The following PIK3AP1 variants were observed in gnomAD, a reference collection of about 807,000 sequenced individuals.
The protein encoded by PIK3AP1 is phosphoinositide-3-kinase adaptor protein 1, also known as phosphoinositide 3-kinase adapter protein 1.
A neutral mutation model predicts 88.1 loss-of-function variants in PIK3AP1; 21 were observed. The ratio of observed to expected loss-of-function variants is 0.24; its 90% CI spans 0.17 to 0.34. The LOEUF (loss-of-function observed/expected upper bound fraction) is 0.34, where lower values mean the gene tolerates loss of function less well. Among genes scored for constraint, PIK3AP1 ranks in the 10% least tolerant of loss-of-function variants. The pLI is 1.00. For synonymous variants in PIK3AP1, 398 were observed against 400.0 expected (o/e 1.00, Z 0.06); for missense variants, 828 against 1,035.7 (o/e 0.80, Z 2.75).
At chr10:96,681,527 TGGAGAGCA>T (rs1408814842) in intron 2 of PIK3AP1, among the ~76,000 whole-genome samples, 4 of 152,160 alleles carry the variant, frequency 2.6e-5, no homozygotes, top group Non-Finnish European at 5.9e-5. Context: ...TCAGTCTCTT[TGGAGAGCA>T]GATTTCAGCT....
intron 2 of PIK3AP1, among the ~76,000 whole-genome samples, chr10:96,694,150 C>A (rs1267167106): frequency 6.6e-6 from 1 of 152,152 alleles, no homozygotes; most frequent in East Asian, 1.9e-4. Context: ...TCAAAGGGAG[C>A]ATCCTTCATA....
In PIK3AP1 at chr10:96,680,270, T is replaced by A. The variant is rs760689086; in HGVS notation, c.431-23336A>T. Among the ~76,000 whole-genome samples, 3 of 152,332 alleles carry A rather than the reference T, an allele frequency of 2.0e-5. No homozygotes were observed. The South Asian group carries it at 6.2e-4, about 32-fold the overall frequency. On this transcript the variant is annotated intron_variant, in intron 2 of 16. Coordinates refer to ENST00000339364, the MANE Select transcript of PIK3AP1 (RefSeq NM_152309.3). ...TTCTCTTATTAAGGTAGCTTAATACTGTGGTAGCTTTTAGCGGCCACATCA... is the reference window on the plus strand; with the variant it reads ...TTCTCTTATTAAGGTAGCTTAATACAGTGGTAGCTTTTAGCGGCCACATCA...
chr10:96,670,004 G>A (rs1843821376), intron 2 of PIK3AP1, among the ~76,000 whole-genome samples: 2 of 151,696 alleles, frequency 1.3e-5, no homozygotes, highest in Admixed American at 6.6e-5. Context: ...GTAAAATCCC[G>A]TCTCTACTAA....
At chr10:96,650,778 A>G (rs1012381925) in intron 6 of PIK3AP1, among the ~76,000 whole-genome samples, 2 of 152,238 alleles carry the variant, frequency 1.3e-5, no homozygotes, top group African/African-American at 4.8e-5. Context: ...AAGTGGCAAG[A>G]GACAGGTGAA....
At chr10:96,636,885 A>G (rs1843319420) in intron 8 of PIK3AP1, among the ~76,000 whole-genome samples, 1 of 152,214 alleles carries the variant, frequency 6.6e-6, no homozygotes, top group African/African-American at 2.4e-5. Context: ...TAAAGAATGA[A>G]TCAACAGCAA....
At chr10:96,702,635 C>CAT (rs1390008048) in intron 2 of PIK3AP1, among the ~76,000 whole-genome samples, 1 of 151,706 alleles carries the variant, frequency 6.6e-6, no homozygotes, top group Admixed American at 6.6e-5. Flanking sequence ...CACACACACA[C>CAT]ACACACACAC....
chr10:96,617,452 G>T (rs1843009458), intron 12 of PIK3AP1, among the ~76,000 whole-genome samples: 1 of 152,206 alleles, frequency 6.6e-6, no homozygotes, highest in Non-Finnish European at 1.5e-5. Context: ...GGAAAGGGGG[G>T]TTGGTCTGCA....
Position 96,593,823 on chromosome 10 carries a change from CAGAAGCTGTTTCTGACA to C in PIK3AP1, c.*1737_*1753del, listed in dbSNP as rs1848712119. ...AAAACAAAAACAAAACCCAAGATTC[CAGAAGCTGTTTCTGACA>C]AGAAGTCCTTGTTTCAGTACTCTTC... On this transcript the variant is annotated 3_prime_UTR_variant, in exon 17 of 17. Coordinates refer to ENST00000339364, the MANE Select transcript of PIK3AP1 (RefSeq NM_152309.3). 6.6e-6 allele frequency: 1 copy of C among 152,168 alleles called. No homozygotes were observed. The highest frequency in any genetic ancestry group is 6.5e-5 in the Admixed American group (1 of 15,274). 9.4% of individuals were successfully genotyped at this position (152,168 alleles called of 1,614,324 possible). A position where few individuals can be genotyped will look rare whatever the true frequency, so the allele number is the denominator to read the frequency against.
chr10:96,717,313 A>C (rs985486565), intron 1 of PIK3AP1, among the ~76,000 whole-genome samples: 1 of 151,910 alleles, frequency 6.6e-6, no homozygotes, highest in Non-Finnish European at 1.5e-5. Context: ...AGTGCCAGAA[A>C]GCTTCTCAAA....
intron 8 of PIK3AP1, among the ~76,000 whole-genome samples, chr10:96,629,909 C>CAAAAAAAAAAAAAAAAAAAAAA (rs66669261): frequency 1.8e-4 from 1 of 5,416 alleles, no homozygotes; most frequent in African/African-American, 2.5e-4. Flanking sequence ...CAACAACAAC[C>CAAAAAAAAAAAAAAAAAAAAAA]AAAAAAAAAA....
chr10:96,692,778 TATAATC>T, intron 2 of PIK3AP1, among the ~76,000 whole-genome samples: 1 of 152,334 alleles, frequency 6.6e-6, no homozygotes. Flanking sequence ...TAGCTGAAAT[TATAATC>T]AAAACTGTGT....
intron 2 of PIK3AP1, among the ~76,000 whole-genome samples, chr10:96,699,608 G>A (rs1238241043): frequency 6.6e-6 from 1 of 152,122 alleles, no homozygotes; most frequent in Non-Finnish European, 1.5e-5. Flanking sequence ...CTCTAACTGA[G>A]CACCCAACAC....
rs1418272634 is a variant in PIK3AP1, at chr10:96,709,061, G to T, written c.430+506C>A. Among the ~76,000 whole-genome samples the T allele has an allele frequency of 2.0e-5, 3 of 150,902 alleles. No individual in the cohort carries two copies. The East Asian group carries it at 5.8e-4, about 29-fold the overall frequency. On this transcript the variant is annotated intron_variant, in intron 2 of 16. Coordinates refer to ENST00000339364, the MANE Select transcript of PIK3AP1 (RefSeq NM_152309.3). ...GGCAGGAGAATCGTTTGAACCTGGA[G>T]GCAGAGGTTGCAGTCCACTGAGATC...
intron 14 of PIK3AP1, among the ~76,000 whole-genome samples, chr10:96,604,815 G>A (rs542946659): frequency 3.9e-5 from 6 of 152,234 alleles, no homozygotes; most frequent in South Asian, 2.1e-4. Context: ...ATAAGGGGCC[G>A]GACCCTTTGA....
intron 2 of PIK3AP1, among the ~76,000 whole-genome samples, chr10:96,703,367 A>G (rs1844323647): frequency 6.6e-6 from 1 of 152,170 alleles, no homozygotes; most frequent in African/African-American, 2.4e-5. Context: ...GGGAGGGGCG[A>G]GGCAAAGAGA....
At chr10:96,701,402 C>G (rs1844296545) in intron 2 of PIK3AP1, among the ~76,000 whole-genome samples, 2 of 152,362 alleles carry the variant, frequency 1.3e-5, no homozygotes, top group African/African-American at 4.8e-5. Context: ...TTACCCCAAT[C>G]ATTTAACCTC....
At chr10:96,678,510 TCCTCC>T (rs1304272367) in intron 2 of PIK3AP1, among the ~76,000 whole-genome samples, 1 of 152,120 alleles carries the variant, frequency 6.6e-6, no homozygotes, top group Non-Finnish European at 1.5e-5. Context: ...GCTCCATGGA[TCCTCC>T]CACCTTGATC....
chr10:96,616,059 C>T (rs1196825451), intron 13 of PIK3AP1, among the ~76,000 whole-genome samples: 2 of 152,204 alleles, frequency 1.3e-5, no homozygotes, highest in Non-Finnish European at 2.9e-5. Flanking sequence ...ACGCCAACTT[C>T]TTGCTCAAGG....
chr10:96,604,022 C>T lies in PIK3AP1; in HGVS notation c.2198G>A (p.Arg733Gln), dbSNP rs777771892. The change falls in exon 15 of 17, where the codon CGG (arginine) becomes CAG (glutamine). Residue 733 changes from arginine to glutamine, a missense_variant. Arg to Gln is a conservative substitution (Grantham distance 43). Around this residue, in one of 3 missense-constraint regions of PIK3AP1, gnomAD observed 191 missense variants for 208.6 expected, o/e 0.92. Transcript: ENST00000339364. ...CCCGCTGCTCACACTGAGGAGGCTC[C>T]GGGTGCTGGAGCGGTTACTTGTGCT... Reference protein sequence around the residue: ...ASSTSNRSSTRSLLSVSSGME... With the variant: ...ASSTSNRSSTQSLLSVSSGME... 30 of 1,607,536 alleles carry T rather than the reference C, an allele frequency of 1.9e-5. No individual in the cohort carries two copies. The highest frequency in any genetic ancestry group is 3.3e-4 in the Middle Eastern group (2 of 6,056).
Sources: gnomAD v4.1 joint callset for allele counts (sites outside exome capture counted in the v4.1 genomes callset) on GRCh38, gnomAD v4.1.1 for gene constraint, gnomAD v4.1.1 regional missense constraint, MANE v1.5 for transcripts, NCBI Gene and HGNC (gene_info 2026-07-23, HGNC 2026-07-21) for gene names.